ANO3: variants seen among roughly 807,000 people sequenced by gnomAD.
The protein encoded by ANO3 is anoctamin-3.
A neutral mutation model predicts 144.8 loss-of-function variants in ANO3; 99 were observed. The observed-to-expected ratio is 0.68, with a 90% CI of 0.58 to 0.81. ANO3 has a LOEUF of 0.81. ANO3 is among the 30% of genes least tolerant of loss of function. The pLI is 0.00. For missense variants in ANO3, 905 were observed against 1,202.2 expected (o/e 0.75, Z 3.66); for synonymous variants, 414 against 392.6 (o/e 1.05, Z -0.64).
At chr11:26,446,483 G>A (rs1042595227) in intron 3 of ANO3, among the ~76,000 whole-genome samples, 1 of 152,170 alleles carries the variant, frequency 6.6e-6, no homozygotes, top group Non-Finnish European at 1.5e-5. Context: ...TTTCATTGAG[G>A]ATTGATATTT....
chr11:26,510,861 A>C (rs1861637689), intron 5 of ANO3, among the ~76,000 whole-genome samples: 1 of 152,174 alleles, frequency 6.6e-6, no homozygotes, highest in Admixed American at 6.5e-5. Context: ...TTAGTCATCC[A>C]AAAAGGGTCC....
rs747260200 is a variant in ANO3 at position 26,415,049 on chromosome 11, G to GGTGTGTGT, written c.47-26863_47-26862insGTGTGTGT. Among the ~76,000 whole-genome samples, 32 of 93,488 alleles carry GGTGTGTGT rather than the reference G, an allele frequency of 3.4e-4. No homozygotes were observed. The South Asian group carries it at 0.015, about 43-fold the overall frequency. The allele number at this position is 93,488 out of a possible 152,430, so 61.3% of individuals were successfully genotyped here. On this transcript the variant is annotated intron_variant, in intron 1 of 26. Coordinates refer to ENST00000256737, the MANE Select transcript of ANO3 (RefSeq NM_031418.4). ...GGAGCCAGATTGTATAAAAGTTATT[G>GGTGTGTGT]GTGTGTATGTGTGTGTGTGTGTGTG...
At chr11:26,310,897 T>TG (rs1854488678) in intron 1 of ANO3, among the ~76,000 whole-genome samples, 1 of 152,186 alleles carries the variant, frequency 6.6e-6, no homozygotes, top group Admixed American at 6.5e-5. Flanking sequence ...AAAAGCCACT[T>TG]GGGATGCCTA....
intron 1 of ANO3, among the ~76,000 whole-genome samples, chr11:26,313,667 T>C (rs902241986): frequency 3.3e-5 from 5 of 151,348 alleles, no homozygotes; most frequent in African/African-American, 7.3e-5. Flanking sequence ...AGCCTGGTGA[T>C]GAAGCAAGAC....
intron 1 of ANO3, among the ~76,000 whole-genome samples, chr11:26,366,408 G>T (rs1333035331): frequency 6.6e-6 from 1 of 152,106 alleles, no homozygotes; most frequent in Admixed American, 6.6e-5. Context: ...ATTTGGGTTG[G>T]TTCCAAGTCT....
intron 21 of ANO3, among the ~76,000 whole-genome samples, chr11:26,640,054 T>A (rs11029657): frequency 0.38 from 57,245 of 151,714 alleles, 11,651 homozygotes; most frequent in South Asian, 0.49. Flanking sequence ...ATCAGAACAT[T>A]CTTGAACAAA....
At chr11:26,255,789 AT>A (rs1422539424) in intron 1 of ANO3, among the ~76,000 whole-genome samples, 1 of 152,152 alleles carries the variant, frequency 6.6e-6, no homozygotes, top group African/African-American at 2.4e-5. Flanking sequence ...AAACAACTAA[AT>A]CATGATGCTC....
At chr11:26,544,281 TACACACACAC>T (rs34866679) in intron 11 of ANO3, among the ~76,000 whole-genome samples, 105 of 86,888 alleles carry the variant, frequency 1.2e-3, no homozygotes, top group Middle Eastern at 6.5e-3. Flanking sequence ...TATACACACA[TACACACACAC>T]ACACACATAT....
At chr11:26,361,682 A>G (rs1172097954) in intron 1 of ANO3, among the ~76,000 whole-genome samples, 2 of 152,204 alleles carry the variant, frequency 1.3e-5, no homozygotes, top group Admixed American at 1.3e-4. Flanking sequence ...TCCAATTACT[A>G]TGAACCTGTC....
intron 1 of ANO3, among the ~76,000 whole-genome samples, chr11:26,240,005 A>G (rs1428059498): frequency 6.6e-6 from 1 of 152,178 alleles, no homozygotes; most frequent in African/African-American, 2.4e-5. Flanking sequence ...TATCCTTGTT[A>G]AGATTGTAAG....
intron 14 of ANO3, chr11:26,560,251 T>C (rs1451223739): frequency 6.5e-6 from 1 of 153,444 alleles, no homozygotes; most frequent in Non-Finnish European, 1.5e-5. Flanking sequence ...ATCTAACAAC[T>C]TAAAACTGTA....
chr11:26,374,359 A>G (rs913668025), intron 1 of ANO3, among the ~76,000 whole-genome samples: 2 of 152,182 alleles, frequency 1.3e-5, no homozygotes, highest in African/African-American at 4.8e-5. Flanking sequence ...GTAGTCCTGT[A>G]TAGGTCTTAG....
chr11:26,661,189 G>C lies in ANO3; in HGVS notation c.*745G>C, dbSNP rs1853866561. 1 of 152,528 alleles carries C rather than the reference G, an allele frequency of 6.6e-6. No homozygotes were observed. The highest frequency in any genetic ancestry group is 2.4e-5 in the African/African-American group (1 of 41,436). 9.4% of individuals were successfully genotyped at this position (152,528 alleles called of 1,614,324 possible). A position where few individuals can be genotyped will look rare whatever the true frequency, so the allele number is the denominator to read the frequency against. ...TGCAGTGCAATTTTTTGTACTAAAT[G>C]CCAATAAAGCCACATACTTATAAAC... On this transcript the variant is annotated 3_prime_UTR_variant, in exon 27 of 27. Coordinates refer to ENST00000256737, the MANE Select transcript of ANO3 (RefSeq NM_031418.4).
chr11:26,447,778 A>T (rs1364141803), intron 3 of ANO3, among the ~76,000 whole-genome samples: 1 of 152,032 alleles, frequency 6.6e-6, no homozygotes, highest in Admixed American at 6.6e-5. Flanking sequence ...ATCCCCACAC[A>T]CTCACAGAAT....
At chr11:26,467,784 A>G (rs920059002) in intron 4 of ANO3, among the ~76,000 whole-genome samples, 8 of 151,752 alleles carry the variant, frequency 5.3e-5, no homozygotes, top group African/African-American at 1.9e-4. Flanking sequence ...TTTCTTTAAG[A>G]CCAATTTACT....
At chr11:26,270,589 C>G (rs576267683) in intron 1 of ANO3, among the ~76,000 whole-genome samples, 34 of 152,124 alleles carry the variant, frequency 2.2e-4, no homozygotes, top group African/African-American at 7.9e-4. Context: ...TCTCAAAGCA[C>G]CAGGAAATAG....
chr11:26,451,039 G>C (rs747323767), intron 3 of ANO3, among the ~76,000 whole-genome samples: 5 of 152,164 alleles, frequency 3.3e-5, no homozygotes, highest in Non-Finnish European at 5.9e-5. Flanking sequence ...TCCCACTTGA[G>C]TCAGCATAAG....
chr11:26,424,246 TC>T (rs34385420), intron 1 of ANO3, among the ~76,000 whole-genome samples: 130,485 of 145,628 alleles, frequency 0.9, 57,722 homozygotes, highest in Non-Finnish European at 0.95. Context: ...GACTAAAATC[TC>T]CCCCCCCACA....
At chr11:26,396,601 A>G (rs1197168224) in intron 1 of ANO3, among the ~76,000 whole-genome samples, 1 of 80,212 alleles carries the variant, frequency 1.2e-5, no homozygotes, top group Non-Finnish European at 2.5e-5. Flanking sequence ...ACACCAAGGA[A>G]TACTATGCAT....
Sources: allele counts gnomAD v4.1 joint callset (sites outside exome capture counted in the v4.1 genomes callset), GRCh38; gene constraint gnomAD v4.1.1; transcripts MANE v1.5; gene names NCBI Gene and HGNC (gene_info 2026-07-23, HGNC 2026-07-21).